The following FYB2 variants were observed in gnomAD, a reference collection of about 807,000 sequenced individuals.
FYB2 encodes the protein FYN binding protein 2, also known as FYN-binding protein 2.
In FYB2, 103 loss-of-function variants were observed where a neutral mutation model predicts 94.1. That is an observed-to-expected ratio of 1.09 (90% confidence interval 0.93 to 1.29). The LOEUF is 1.29. FYB2 is among the 50% of genes most tolerant of loss of function. The probability of loss-of-function intolerance (pLI) is 0.00; values close to 1 mark genes in which losing one functional copy is unlikely to be tolerated. For synonymous variants in FYB2, 293 were observed against 287.9 expected (o/e 1.02, Z -0.18); for missense variants, 896 against 841.5 (o/e 1.06, Z -0.80).
intron 4 of FYB2, among the ~76,000 whole-genome samples, chr1:56,774,312 C>T (rs921048894): frequency 6.6e-6 from 1 of 152,080 alleles, no homozygotes; most frequent in African/African-American, 2.4e-5. Flanking sequence ...CCCTTTAATC[C>T]TCTTTATATG....
At chr1:56,751,282 A>G (rs1645192498) in intron 8 of FYB2, 79 bp from the exon 9 acceptor site, 6 of 1,342,754 alleles carry the variant, frequency 4.5e-6, no homozygotes, top group Non-Finnish European at 5.1e-6. Flanking sequence ...ACAGTTTTTC[A>G]TTCATTCCTC....
intron 1 of FYB2, among the ~76,000 whole-genome samples, chr1:56,794,976 G>T (rs554669601): frequency 1.3e-5 from 2 of 151,752 alleles, no homozygotes; most frequent in Middle Eastern, 6.8e-3. Flanking sequence ...TTTATATTGT[G>T]GTAAAATACA....
intron 4 of FYB2, among the ~76,000 whole-genome samples, chr1:56,772,059 C>T (rs1366756424): frequency 6.6e-6 from 1 of 152,022 alleles, no homozygotes; most frequent in East Asian, 1.9e-4. Flanking sequence ...GCATCAGTAA[C>T]TTCTCTCATA....
intron 15 of FYB2, among the ~76,000 whole-genome samples, chr1:56,736,424 CTT>C (rs59242700): frequency 5.6e-4 from 67 of 119,960 alleles, no homozygotes; most frequent in East Asian, 1.9e-3. Flanking sequence ...TTAAGGATGG[CTT>C]TTTTTTTTTT....
At chr1:56,824,204 A>G (rs1476121528), upstream of FYB2, 1 of 152,198 alleles carries the variant, frequency 6.6e-6, no homozygotes, top group East Asian at 1.9e-4. Context: ...ATTTGTAAAC[A>G]GCACAAATTT....
At chr1:56,748,815 C>T (rs1329109931) in intron 9 of FYB2, among the ~76,000 whole-genome samples, 1 of 151,980 alleles carries the variant, frequency 6.6e-6, no homozygotes, top group Non-Finnish European at 1.5e-5. Flanking sequence ...CTTGCATCCA[C>T]AACTTTCTAT....
intron 9 of FYB2, among the ~76,000 whole-genome samples, chr1:56,749,691 G>A (rs1461187794): frequency 6.6e-6 from 1 of 151,908 alleles, no homozygotes; most frequent in Non-Finnish European, 1.5e-5. Context: ...CCCTCACTGT[G>A]AGTTGTTTCC....
the FYB2 span, among the ~76,000 whole-genome samples, chr1:56,825,953 A>T: frequency 6.6e-6 from 1 of 152,194 alleles, no homozygotes; most frequent in Admixed American, 6.5e-5. Flanking sequence ...GAAAACCTGG[A>T]CTTTCCTGAC....
intron 4 of FYB2, among the ~76,000 whole-genome samples, chr1:56,784,693 AC>A (rs1646091551): frequency 6.6e-6 from 1 of 151,756 alleles, no homozygotes; most frequent in Non-Finnish European, 1.5e-5. Context: ...TTCCTTCCCA[AC>A]CTCCTTGCTT....
chr1:56,722,386 T>C (rs761960991), intron 17 of FYB2, among the ~76,000 whole-genome samples: 1 of 152,120 alleles, frequency 6.6e-6, no homozygotes, highest in Non-Finnish European at 1.5e-5. Context: ...TAGGAGCTCA[T>C]AGTGTAATAT....
chr1:56,764,321 T>C (rs758455878), intron 5 of FYB2, among the ~76,000 whole-genome samples: 1 of 152,196 alleles, frequency 6.6e-6, no homozygotes, highest in Non-Finnish European at 1.5e-5. Context: ...TCTTCAGTCA[T>C]GCACGCCTTC....
chr1:56,779,620 T>C (rs1011494251), intron 4 of FYB2, among the ~76,000 whole-genome samples: 3 of 152,182 alleles, frequency 2.0e-5, no homozygotes, highest in African/African-American at 7.2e-5. Context: ...TAAAAGCTAG[T>C]GGAAGATGAT....
chr1:56,750,632 T>C (rs938443378), intron 9 of FYB2, among the ~76,000 whole-genome samples: 8 of 151,916 alleles, frequency 5.3e-5, no homozygotes, highest in African/African-American at 1.9e-4. Context: ...CACCAGTACA[T>C]GTCAATGATG....
At chr1:56,825,605 A>C in the FYB2 span, among the ~76,000 whole-genome samples, 1 of 152,196 alleles carries the variant, frequency 6.6e-6, no homozygotes, top group African/African-American at 2.4e-5. Context: ...AAACAGCTGA[A>C]TCATATGAGT....
chr1:56,813,911 C>G (rs551671178), intron 1 of FYB2, among the ~76,000 whole-genome samples: 2 of 152,266 alleles, frequency 1.3e-5, no homozygotes, highest in South Asian at 4.1e-4. Flanking sequence ...GAAATGTAAA[C>G]CAGTCATGCT....
At chr1:56,723,026 A>G (rs1323347089) in intron 17 of FYB2, among the ~76,000 whole-genome samples, 3 of 152,060 alleles carry the variant, frequency 2.0e-5, no homozygotes, top group African/African-American at 7.2e-5. Context: ...AAGAAGGCAG[A>G]GAGCTTCGGA....
chr1:56,736,215 G>A (rs1048744303), intron 15 of FYB2, among the ~76,000 whole-genome samples: 8 of 151,956 alleles, frequency 5.3e-5, no homozygotes. Context: ...GACAAATAAA[G>A]GCTTAAAAGT....
chr1:56,720,500 C>T (rs1644465131), intron 17 of FYB2, 171 bp from the exon 18 acceptor site: 5 of 484,298 alleles, frequency 1.0e-5, no homozygotes, highest in Non-Finnish European at 1.7e-5. Context: ...AAAGGAAAGT[C>T]GTTTAAGAAA....
At chr1:56,753,277 T>TAC (rs1425450517) in intron 8 of FYB2, among the ~76,000 whole-genome samples, 1 of 152,092 alleles carries the variant, frequency 6.6e-6, no homozygotes, top group African/African-American at 2.4e-5. Flanking sequence ...GATATGGATA[T>TAC]ACACACATTC....
Sources: gnomAD v4.1 joint callset for allele counts (sites outside exome capture counted in the v4.1 genomes callset) on GRCh38, gnomAD v4.1.1 for gene constraint, MANE v1.5 for transcripts, NCBI Gene and HGNC (gene_info 2026-07-23, HGNC 2026-07-21) for gene names.